Variants in TRMT10B observed in about 807,000 individuals in gnomAD.
The protein encoded by TRMT10B is tRNA methyltransferase 10B.
TRMT10B carries 33 observed loss-of-function variants against 43.8 expected under a neutral mutation model. The observed-to-expected ratio is 0.75, with a 90% confidence interval of 0.57 to 1.01. The LOEUF (loss-of-function observed/expected upper bound fraction) is 1.01, where lower values mean the gene tolerates loss of function less well. TRMT10B is among the 50% of genes least tolerant of loss of function. The pLI is 0.00. For synonymous variants in TRMT10B, 137 were observed against 130.6 expected (o/e 1.05, Z -0.34); for missense variants, 362 against 369.8 (o/e 0.98, Z 0.17).
rs1236940319 is a variant in TRMT10B at position 37,762,697 on chromosome 9, T to C, written c.295+12T>C. On this transcript the variant is annotated intron_variant, in intron 3 of 8. Transcript: ENST00000297994. The stretch of plus-strand genomic sequence containing the variant: ...TGCAGAAAATCCAGGTGACAATAAA[T>C]GAGACTGTTGGTATAATAATATTTA... The C allele has an allele frequency of 9.0e-6, 14 of 1,563,958 alleles. No homozygotes were observed. The highest frequency in any genetic ancestry group is 1.4e-5 in the African/African-American group (1 of 73,460).
intron 7 of TRMT10B, among the ~76,000 whole-genome samples, chr9:37,772,358 CCCAGA>C (rs995046953): frequency 2.6e-5 from 4 of 151,652 alleles, no homozygotes; most frequent in Non-Finnish European, 5.9e-5. Flanking sequence ...CACTTTGTTG[CCCAGA>C]CTAGTCTCAA....
At chr9:37,774,040 G>A (rs571361280) in intron 7 of TRMT10B, among the ~76,000 whole-genome samples, 1 of 151,486 alleles carries the variant, frequency 6.6e-6, no homozygotes, top group Non-Finnish European at 1.5e-5. Flanking sequence ...CCCCCACCCC[G>A]TCCAAGACAG....
chr9:37,777,561 C>A, intron 8 of TRMT10B, 40 bp from the exon 9 acceptor site: 1 of 1,487,636 alleles, frequency 6.7e-7, no homozygotes, highest in Non-Finnish European at 9.3e-7. Flanking sequence ...TTCTTTTTTT[C>A]CCTCTGTGGT....
intron 8 of TRMT10B, 60 bp downstream of exon 8, chr9:37,776,465 G>GT (rs1564006967): frequency 2.6e-6 from 4 of 1,521,198 alleles, no homozygotes; most frequent in Non-Finnish European, 3.5e-6. Flanking sequence ...GCTTTGCACT[G>GT]TGTTTAAGTG....
intron 2 of TRMT10B, 49 bp downstream of exon 2, chr9:37,762,166 CAA>C: frequency 6.5e-7 from 1 of 1,546,046 alleles, no homozygotes; most frequent in Non-Finnish European, 8.8e-7. Flanking sequence ...TGGAATGTCT[CAA>C]GACACCCCTG....
chr9:37,770,077 C>T (rs562897959), intron 6 of TRMT10B, 58 bp downstream of exon 6: 1 of 1,468,530 alleles, frequency 6.8e-7, no homozygotes, highest in East Asian at 2.3e-5. Context: ...TCATTATTCC[C>T]TGTGGCAGAA....
chr9:37,777,781 A>G lies in TRMT10B; in HGVS notation c.*74A>G. The G allele has an allele frequency of 8.3e-7, 1 of 1,199,994 alleles. No homozygotes were observed. 74.3% of individuals were successfully genotyped at this position (1,199,994 alleles called of 1,614,324 possible). A position where few individuals can be genotyped will look rare whatever the true frequency, so the allele number is the denominator to read the frequency against. On this transcript the variant is annotated 3_prime_UTR_variant, in exon 9 of 9. Transcript: ENST00000297994. ...AACACTTTGGTAGACCGAAGTGGGC[A>G]GATCACCTGAGGTCAGGAGTTCACG...
chr9:37,770,508 T>C (rs1827454429), intron 6 of TRMT10B, among the ~76,000 whole-genome samples, 164 bp from the exon 7 acceptor site: 1 of 152,228 alleles, frequency 6.6e-6, no homozygotes, highest in African/African-American at 2.4e-5. Context: ...TTGTCTGTTT[T>C]ATTGGCCATT....
At chr9:37,764,467 T>C (rs1398020693) in intron 4 of TRMT10B, among the ~76,000 whole-genome samples, 1 of 151,710 alleles carries the variant, frequency 6.6e-6, no homozygotes, top group Admixed American at 6.6e-5. Flanking sequence ...GACTACAGGC[T>C]CCTGCCACCA....
chr9:37,770,556 T>C, intron 6 of TRMT10B, 116 bp from the exon 7 acceptor site: 3 of 994,918 alleles, frequency 3.0e-6, no homozygotes, highest in Non-Finnish European at 4.4e-6. Flanking sequence ...AGCAAGTTTC[T>C]TTTTGTTTTC....
intron 5 of TRMT10B, chr9:37,769,644 C>G: frequency 4.0e-6 from 1 of 249,062 alleles, no homozygotes; most frequent in Non-Finnish European, 7.7e-6. Flanking sequence ...TAAAGACAGG[C>G]TGAAGTGCAG....
At chr9:37,769,617 GGT>G in intron 5 of TRMT10B, 2 of 251,826 alleles carry the variant, frequency 7.9e-6, no homozygotes. Context: ...TTTTGAGCGG[GGT>G]TTTTTTTTTT....
chr9:37,760,313 C>G (rs2118737102), intron 1 of TRMT10B, among the ~76,000 whole-genome samples: 1 of 152,312 alleles, frequency 6.6e-6, no homozygotes, highest in South Asian at 2.1e-4. Flanking sequence ...CAGTGTGAGA[C>G]TCCATCTCAA....
At chr9:37,753,344 G>A (rs970038733), upstream of TRMT10B, among the ~76,000 whole-genome samples, 8 of 152,310 alleles carry the variant, frequency 5.3e-5, no homozygotes, top group South Asian at 2.1e-4. Context: ...GTCAGTCCCC[G>A]TTGGGCCTAA....
rs1396787598 is a variant in TRMT10B, at chr9:37,763,173, A to AAAACAAAAAAC, written c.296-453_296-452insCAAAAAACAAA. On this transcript the variant is annotated intron_variant, in intron 3 of 8. Coordinates refer to ENST00000297994, the MANE Select transcript of TRMT10B (RefSeq NM_144964.4). Reference sequence around the variant, plus strand: ...AAAAAAAAAAAAAAAAAACAAAAAAAAAAATTTAAGGCTGCTTTTCAAATA... The same window carrying AAAACAAAAAAC: ...AAAAAAAAAAAAAAAAAACAAAAAAAAAACAAAAAACAAAATTTAAGGCTGCTTTTCAAATA... 8.9e-4 allele frequency among the ~76,000 whole-genome samples: 124 copies of AAAACAAAAAAC among 138,588 alleles called. 1 individual carries two copies. The highest frequency in any genetic ancestry group is 3.2e-3 in the African/African-American group (119 of 37,322). The allele number at this position is 138,588 out of a possible 152,430, so 90.9% of individuals were successfully genotyped here.
chr9:37,770,307 T>C (rs570298847), intron 6 of TRMT10B, among the ~76,000 whole-genome samples: 4 of 152,336 alleles, frequency 2.6e-5, no homozygotes, highest in African/African-American at 9.6e-5. Flanking sequence ...CTAGCCCTTC[T>C]TGGATCAATG....
upstream of TRMT10B, among the ~76,000 whole-genome samples, chr9:37,753,473 T>C (rs1265901486): frequency 6.6e-6 from 1 of 152,076 alleles, no homozygotes; most frequent in Non-Finnish European, 1.5e-5. Flanking sequence ...GGAGGTCCAT[T>C]CAGTCGGGTG....
intron 5 of TRMT10B, among the ~76,000 whole-genome samples, chr9:37,769,392 T>C (rs1827316177): frequency 6.9e-6 from 1 of 145,532 alleles, no homozygotes; most frequent in African/African-American, 2.5e-5. Flanking sequence ...GTCATCCCAA[T>C]GTTACTCCCT....
chr9:37,767,950 C>A, intron 4 of TRMT10B, 126 bp from the exon 5 acceptor site: 1 of 953,004 alleles, frequency 1.0e-6, no homozygotes, highest in Non-Finnish European at 1.6e-6. Context: ...TACACGCACA[C>A]ATGTACTCCT....
Sources: allele counts gnomAD v4.1 joint callset (sites outside exome capture counted in the v4.1 genomes callset), GRCh38; gene constraint gnomAD v4.1.1; transcripts MANE v1.5; gene names NCBI Gene and HGNC (gene_info 2026-07-23, HGNC 2026-07-21).